The following CFAP119 variants were observed in gnomAD, a reference collection of about 807,000 sequenced individuals.
CFAP119 encodes cilia and flagella associated protein 119, also known as cilia- and flagella-associated protein 119.
the CFAP119 span, chr16:30,759,064 A>G: frequency 1.2e-6 from 2 of 1,614,192 alleles, no homozygotes; most frequent in Non-Finnish European, 1.7e-6. Context: ...TCTGCGGGGT[A>G]ACTGCCTGCT....
At chr16:30,760,915 C>T in the CFAP119 span, 3 of 614,064 alleles carry the variant, frequency 4.9e-6, no homozygotes, top group Admixed American at 5.7e-5. Flanking sequence ...CTTGTATGAC[C>T]TTGGTCAAGT....
At chr16:30,761,355 A>G in the CFAP119 span, 1 of 1,449,152 alleles carries the variant, frequency 6.9e-7, no homozygotes, top group African/African-American at 1.4e-5. Context: ...GGCGCGGGCG[A>G]GGGAGGGCTT....
the CFAP119 span, chr16:30,761,907 C>T: frequency 2.8e-6 from 2 of 702,254 alleles, no homozygotes; most frequent in South Asian, 2.0e-5. Flanking sequence ...GTGGGGGCGT[C>T]TCCCTCCGTC....
the CFAP119 span, chr16:30,757,784 C>G: frequency 4.2e-6 from 6 of 1,431,332 alleles, no homozygotes; most frequent in Non-Finnish European, 5.5e-6. Context: ...TGTTGTTTCC[C>G]TTTAGGAAAT....
the CFAP119 span, chr16:30,760,551 A>G: frequency 3.1e-6 from 5 of 1,591,028 alleles, no homozygotes; most frequent in South Asian, 4.5e-5. Context: ...TGTTTTCCCA[A>G]CCTGACCCCT....
chr16:30,761,110 A>C, the CFAP119 span: 1 of 1,477,746 alleles, frequency 6.8e-7, no homozygotes. Context: ...CATCTGTAAA[A>C]TGGGGATGCC....
the CFAP119 span, chr16:30,759,769 CCATT>C: frequency 3.2e-6 from 5 of 1,561,888 alleles, no homozygotes; most frequent in Non-Finnish European, 4.3e-6. Flanking sequence ...TCTCTGGTAT[CCATT>C]CATTCACTTC....
the CFAP119 span, chr16:30,761,061 C>A: frequency 9.9e-7 from 1 of 1,010,024 alleles, no homozygotes; most frequent in Non-Finnish European, 1.4e-6. Flanking sequence ...AAGCCAACTT[C>A]CAGTCACCTG....
the CFAP119 span, chr16:30,760,227 G>A: frequency 1.2e-6 from 2 of 1,612,974 alleles, no homozygotes; most frequent in Non-Finnish European, 1.7e-6. Context: ...GGTCACTTGT[G>A]CCAGGCCCGG....
chr16:30,758,019 C>T, the CFAP119 span: 1 of 197,184 alleles, frequency 5.1e-6, no homozygotes, highest in Non-Finnish European at 1.0e-5. Flanking sequence ...GCAGGGCATG[C>T]ACTGCACACC....
chr16:30,760,434 C>G, the CFAP119 span: 1 of 1,614,144 alleles, frequency 6.2e-7, no homozygotes, highest in Non-Finnish European at 8.5e-7. Flanking sequence ...CACCCTAGCT[C>G]CAGCAGCTCA....
At chr16:30,760,098 T>C in the CFAP119 span, 7 of 1,538,776 alleles carry the variant, frequency 4.5e-6, no homozygotes, top group African/African-American at 4.1e-5. Flanking sequence ...GTAAAATGTG[T>C]GCTGTATCCT....
chr16:30,761,969 G>C, the CFAP119 span: 5 of 574,030 alleles, frequency 8.7e-6, no homozygotes, highest in Admixed American at 1.6e-4. Context: ...GGCGGAAAGC[G>C]CAGGCTCACG....
chr16:30,760,165 G>C, the CFAP119 span: 1 of 1,592,978 alleles, frequency 6.3e-7, no homozygotes, highest in Non-Finnish European at 8.5e-7. Context: ...GTATGATGAT[G>C]CTACTAATAA....
At chr16:30,760,557 C>T in the CFAP119 span, 12 of 1,584,420 alleles carry the variant, frequency 7.6e-6, no homozygotes, top group Middle Eastern at 8.5e-4. Context: ...CCCAACCTGA[C>T]CCCTCAGCCT....
At chr16:30,761,049 G>C in the CFAP119 span, 1 of 889,310 alleles carries the variant, frequency 1.1e-6, no homozygotes, top group Non-Finnish European at 1.7e-6. Context: ...GGAGAGGCTG[G>C]AAAGCCAACT....
the CFAP119 span, chr16:30,761,390 G>T: frequency 7.2e-7 from 1 of 1,387,476 alleles, no homozygotes; most frequent in Non-Finnish European, 1.0e-6. Context: ...TGCTCTACGC[G>T]AGCACAGTAA....
chr16:30,759,416 G>A, the CFAP119 span: 425 of 1,614,264 alleles, frequency 2.6e-4, 2 homozygotes, highest in Admixed American at 8.8e-4. Context: ...TCCAAGGCCA[G>A]CAGCTGTTCC....
the CFAP119 span, chr16:30,758,798 G>A: frequency 3.9e-6 from 3 of 762,650 alleles, no homozygotes; most frequent in Non-Finnish European, 6.1e-6. Flanking sequence ...CAGGCAATCC[G>A]CCTGCCTCAG....
Sources: gnomAD v4.1 joint callset for allele counts on GRCh38, gnomAD v4.1.1 for gene constraint, MANE v1.5 for transcripts, NCBI Gene and HGNC (gene_info 2026-07-23, HGNC 2026-07-21) for gene names.